SNTG1: variants seen among roughly 807,000 people sequenced by gnomAD.
SNTG1 encodes the protein gamma-1-syntrophin.
Under a neutral mutation model 74.7 loss-of-function variants are expected in SNTG1, and 39 were observed. The observed-to-expected ratio is 0.52, with a 90% CI of 0.40 to 0.68. The LOEUF is 0.68. Ranked by LOEUF, SNTG1 falls within the 30% of genes least tolerant of loss-of-function variation. The pLI is 0.00. For missense variants in SNTG1, 685 were observed against 609.5 expected (o/e 1.12, Z -1.30); for synonymous variants, 254 against 217.1 (o/e 1.17, Z -1.49).
At chr8:50,476,082 G>A (rs2093695233) in intron 8 of SNTG1, among the ~76,000 whole-genome samples, 2 of 152,146 alleles carry the variant, frequency 1.3e-5, no homozygotes, top group South Asian at 2.1e-4. Context: ...TAGACACTTA[G>A]TAGCCATCTT....
intron 1 of SNTG1, among the ~76,000 whole-genome samples, chr8:50,043,380 G>A (rs1168546568): frequency 6.6e-6 from 1 of 152,184 alleles, no homozygotes; most frequent in Non-Finnish European, 1.5e-5. Flanking sequence ...AGGCACAAAT[G>A]TATGCTATAT....
chr8:50,417,399 T>G (rs1282720148), intron 4 of SNTG1, among the ~76,000 whole-genome samples: 1 of 152,150 alleles, frequency 6.6e-6, no homozygotes, highest in Non-Finnish European at 1.5e-5. Context: ...TCCTCACACT[T>G]TACTTTCTCT....
chr8:50,241,025 T>C (rs1388730647), intron 2 of SNTG1, among the ~76,000 whole-genome samples: 2 of 152,146 alleles, frequency 1.3e-5, no homozygotes, highest in African/African-American at 2.4e-5. Flanking sequence ...AAAAAGTCTT[T>C]AGGGAGTTTA....
At chr8:50,214,659 G>A (rs1378513689) in intron 2 of SNTG1, among the ~76,000 whole-genome samples, 5 of 152,048 alleles carry the variant, frequency 3.3e-5, no homozygotes, top group African/African-American at 1.2e-4. Flanking sequence ...TGTTCTTTGT[G>A]TAATGTAATT....
At chr8:49,949,163 T>C (rs923947085) in intron 1 of SNTG1, among the ~76,000 whole-genome samples, 2 of 152,242 alleles carry the variant, frequency 1.3e-5, no homozygotes, top group Non-Finnish European at 2.9e-5. Flanking sequence ...GGAAAGGCAC[T>C]GGTCATTGGT....
chr8:49,988,956 T>G (rs1228940736), intron 1 of SNTG1, among the ~76,000 whole-genome samples: 1 of 151,924 alleles, frequency 6.6e-6, no homozygotes. Context: ...CTGAAAGAGT[T>G]ATTGGAATGT....
chr8:50,231,084 A>G (rs1254489161), intron 2 of SNTG1, among the ~76,000 whole-genome samples: 1 of 151,372 alleles, frequency 6.6e-6, no homozygotes, highest in Admixed American at 6.6e-5. Flanking sequence ...ATGGGCAAGG[A>G]AACTGAATTT....
At chr8:50,586,582 A>T (rs2094649605) in intron 12 of SNTG1, among the ~76,000 whole-genome samples, 1 of 152,010 alleles carries the variant, frequency 6.6e-6, no homozygotes, top group Non-Finnish European at 1.5e-5. Flanking sequence ...CATGAGTCAC[A>T]CTTGGTAGAA....
intron 2 of SNTG1, among the ~76,000 whole-genome samples, chr8:50,256,785 CGT>C (rs66472803): frequency 0.89 from 134,445 of 150,824 alleles, 61,390 homozygotes; most frequent in East Asian, 1. Context: ...GGTGTGTGTG[CGT>C]GTGTGTGTGT....
intron 8 of SNTG1, among the ~76,000 whole-genome samples, chr8:50,499,252 G>A (rs1348836803): frequency 6.6e-6 from 1 of 151,562 alleles, no homozygotes; most frequent in African/African-American, 2.4e-5. Context: ...TTGTATACAG[G>A]GCTTTTACTA....
intron 1 of SNTG1, among the ~76,000 whole-genome samples, chr8:49,971,280 A>G (rs1315918646): frequency 6.6e-6 from 1 of 152,210 alleles, no homozygotes; most frequent in African/African-American, 2.4e-5. Context: ...TGATTATCTC[A>G]GTAGATGCAG....
At chr8:50,438,448 G>A (rs2093326948) in intron 4 of SNTG1, 95 bp from the exon 5 acceptor site, 2 of 997,764 alleles carry the variant, frequency 2.0e-6, no homozygotes, top group East Asian at 2.6e-5. Context: ...AAGAGCAAAA[G>A]CAAAACCCAG....
chr8:50,453,564 A>T lies in SNTG1; in HGVS notation c.363+2835A>T, dbSNP rs551899831. Among the ~76,000 whole-genome samples the T allele has an allele frequency of 2.0e-5, 3 of 152,334 alleles. No homozygotes were observed. In the South Asian group the frequency reaches 6.2e-4, roughly 32 times the overall value. ...AGCTCAACCACTTACAAACATTGTA[A>T]TTTAAGGTGAACGGAATGAACTAAA... On this transcript the variant is annotated intron_variant, in intron 8 of 18. Transcript: ENST00000642720.
intron 8 of SNTG1, among the ~76,000 whole-genome samples, chr8:50,469,057 T>A (rs549762411): frequency 6.6e-6 from 1 of 152,302 alleles, no homozygotes; most frequent in African/African-American, 2.4e-5. Flanking sequence ...GATAGTTTAT[T>A]TACTTGCGTT....
intron 2 of SNTG1, among the ~76,000 whole-genome samples, chr8:50,212,678 A>G (rs1049269344): frequency 6.6e-6 from 1 of 152,206 alleles, no homozygotes; most frequent in African/African-American, 2.4e-5. Flanking sequence ...CATCTCTAGC[A>G]TGTGGTCTAC....
At chr8:50,554,588 G>A (rs537393997) in intron 12 of SNTG1, among the ~76,000 whole-genome samples, 5 of 151,680 alleles carry the variant, frequency 3.3e-5, no homozygotes, top group East Asian at 1.9e-4. Flanking sequence ...TTGGGCAAGA[G>A]TGAGCTCTCA....
intron 1 of SNTG1, among the ~76,000 whole-genome samples, chr8:50,170,689 A>G (rs1255304152): frequency 6.6e-6 from 1 of 152,208 alleles, no homozygotes; most frequent in African/African-American, 2.4e-5. Context: ...CAGTCTCACA[A>G]TGCTACAATT....
At chr8:49,974,069 C>G (rs1811965549) in intron 1 of SNTG1, among the ~76,000 whole-genome samples, 1 of 152,142 alleles carries the variant, frequency 6.6e-6, no homozygotes, top group Non-Finnish European at 1.5e-5. Flanking sequence ...CTTTTTTATA[C>G]TAGGAAGTAT....
intron 1 of SNTG1, among the ~76,000 whole-genome samples, chr8:50,007,102 G>A (rs1815310914): frequency 7.2e-5 from 11 of 152,054 alleles, no homozygotes; most frequent in Admixed American, 5.9e-4. Context: ...CAGGGCTTCT[G>A]ATCAGTCCCC....
Sources: allele counts gnomAD v4.1 joint callset (sites outside exome capture counted in the v4.1 genomes callset), GRCh38; gene constraint gnomAD v4.1.1; transcripts MANE v1.5; gene names NCBI Gene and HGNC (gene_info 2026-07-23, HGNC 2026-07-21).